DMGDH: variants seen among roughly 807,000 people sequenced by gnomAD.
The protein encoded by DMGDH is dimethylglycine dehydrogenase, also known as dimethylglycine dehydrogenase, mitochondrial.
DMGDH carries 76 observed loss-of-function variants against 95.2 expected under a neutral mutation model. The ratio of observed to expected loss-of-function variants is 0.80; its 90% CI spans 0.66 to 0.97. The LOEUF is 0.97. Among genes scored for constraint, DMGDH ranks in the 50% least tolerant of loss-of-function variants. DMGDH has a pLI of 0.00. For missense variants in DMGDH, 987 were observed against 1,055.0 expected, an observed-to-expected ratio of 0.94 and a Z score of 0.89; for synonymous variants, 345 against 377.6, an observed-to-expected ratio of 0.91 and a Z score of 1.00.
chr5:79,034,847 G>A (rs906774347), intron 7 of DMGDH, among the ~76,000 whole-genome samples: 1 of 151,906 alleles, frequency 6.6e-6, no homozygotes, highest in African/African-American at 2.4e-5. Context: ...CACGAGGTCA[G>A]GAGATCGAGA....
chr5:79,033,214 A>C lies in DMGDH; in HGVS notation c.1363+25T>G, dbSNP rs369471298. Reference sequence around the variant, plus strand: ...CAATTCAATTCCGTCAACACTTTGTAGACAACAGTACATTTGTACCTTACC... The same window carrying C: ...CAATTCAATTCCGTCAACACTTTGTCGACAACAGTACATTTGTACCTTACC... On this transcript the variant is annotated intron_variant, in intron 8 of 15. Coordinates refer to ENST00000255189, the MANE Select transcript of DMGDH (RefSeq NM_013391.3). 32 of 1,612,996 alleles carry C rather than the reference A, an allele frequency of 2.0e-5. No homozygotes were observed. In the African/African-American group the frequency reaches 4.1e-4, roughly 21 times the overall value.
At chr5:79,014,265 G>T (rs1753691434) in intron 14 of DMGDH, among the ~76,000 whole-genome samples, 2 of 152,148 alleles carry the variant, frequency 1.3e-5, no homozygotes, top group Non-Finnish European at 2.9e-5. Context: ...CCCATTACAT[G>T]TCTTTAATAT....
Position 79,028,456 on chromosome 5 carries a change from G to C in DMGDH, c.2009C>G (p.Thr670Ser), listed in dbSNP as rs1286233927. Reference sequence around the variant, plus strand: ...ACCAGTATAAGATATCCTAATAGCAGTGACAGGAATGTTGGAAACCTTTAA... The same window carrying C: ...ACCAGTATAAGATATCCTAATAGCACTGACAGGAATGTTGGAAACCTTTAA... ...KSLKVSNIPV[T>S]AIRISYTGEL... is the part of the protein sequence containing the mutation. The change falls in exon 12 of 16, where the codon ACT becomes AGT. Residue 670 changes from threonine to serine, a missense_variant. By Grantham distance (58) the Thr-to-Ser change is moderately conservative. Transcript: ENST00000255189. 1.2e-6 allele frequency: 2 copies of C among 1,613,688 alleles called. No individual in the cohort carries two copies. The highest frequency in any genetic ancestry group is 2.2e-5 in the South Asian group (2 of 91,054).
intron 1 of DMGDH, 129 bp downstream of exon 1, chr5:79,069,391 T>G: frequency 2.3e-6 from 1 of 436,456 alleles, no homozygotes; most frequent in Non-Finnish European, 3.8e-6. Flanking sequence ...TAAAAGATAA[T>G]TCGAGAAGAT....
At chr5:79,060,131 A>G (rs1361717990) in intron 2 of DMGDH, among the ~76,000 whole-genome samples, 1 of 152,232 alleles carries the variant, frequency 6.6e-6, no homozygotes, top group African/African-American at 2.4e-5. Flanking sequence ...TTATTTATAA[A>G]TATCAGTAAA....
chr5:79,010,237 G>T (rs1030851719), intron 14 of DMGDH, among the ~76,000 whole-genome samples: 7 of 152,110 alleles, frequency 4.6e-5, no homozygotes, highest in African/African-American at 1.7e-4. Context: ...GTAAATGAAA[G>T]AAAGTAAATC....
chr5:79,046,794 T>C (rs1754688357), intron 5 of DMGDH, among the ~76,000 whole-genome samples: 1 of 152,212 alleles, frequency 6.6e-6, no homozygotes, highest in Admixed American at 6.5e-5. Context: ...AATTTTTAAA[T>C]ATACAAAAAT....
intron 14 of DMGDH, among the ~76,000 whole-genome samples, chr5:79,010,134 C>T (rs1047994965): frequency 6.6e-6 from 1 of 151,964 alleles, no homozygotes; most frequent in South Asian, 2.1e-4. Context: ...TAATATCTAC[C>T]TATATGAAAA....
chr5:79,034,485 T>G (rs1172427094), intron 7 of DMGDH, among the ~76,000 whole-genome samples: 1 of 152,188 alleles, frequency 6.6e-6, no homozygotes, highest in Non-Finnish European at 1.5e-5. Flanking sequence ...CAGTCTTGTC[T>G]AATGAAGGCC....
chr5:79,068,935 T>C (rs1755460127), intron 1 of DMGDH, among the ~76,000 whole-genome samples: 1 of 152,236 alleles, frequency 6.6e-6, no homozygotes, highest in African/African-American at 2.4e-5. Flanking sequence ...TCTTTCAATC[T>C]TTCAGATGCA....
At chr5:79,032,204 T>C (rs183237811) in intron 9 of DMGDH, among the ~76,000 whole-genome samples, 2 of 152,258 alleles carry the variant, frequency 1.3e-5, no homozygotes, top group Non-Finnish European at 2.9e-5. Context: ...TGGAATGCTA[T>C]GCAAATGACC....
chr5:79,010,678 T>C (rs1001381005), intron 14 of DMGDH, among the ~76,000 whole-genome samples: 1 of 152,200 alleles, frequency 6.6e-6, no homozygotes, highest in Non-Finnish European at 1.5e-5. Flanking sequence ...CACATGTTAT[T>C]CTTTGTTTTA....
At chr5:79,051,246 G>A in intron 5 of DMGDH, 41 bp downstream of exon 5, 1 of 1,581,026 alleles carries the variant, frequency 6.3e-7, no homozygotes, top group Non-Finnish European at 8.7e-7. Context: ...TCTTTCTTTG[G>A]CACTTAAAAA....
intron 14 of DMGDH, among the ~76,000 whole-genome samples, chr5:79,006,610 C>T (rs1046267858): frequency 6.6e-5 from 10 of 152,138 alleles, no homozygotes; most frequent in African/African-American, 2.4e-4. Context: ...CAAGATTCTC[C>T]AAACAGTTCC....
intron 3 of DMGDH, among the ~76,000 whole-genome samples, chr5:79,054,968 G>A (rs1026359028): frequency 6.6e-6 from 1 of 152,202 alleles, no homozygotes; most frequent in African/African-American, 2.4e-5. Context: ...AGAACCAAGA[G>A]ATGGGACCTC....
At chr5:79,061,971 A>G (rs1755222138) in intron 2 of DMGDH, among the ~76,000 whole-genome samples, 1 of 152,228 alleles carries the variant, frequency 6.6e-6, no homozygotes. Context: ...ATCAGTATAT[A>G]AGTGAGCAAA....
chr5:79,040,641 TC>T (rs2112642512), intron 7 of DMGDH, among the ~76,000 whole-genome samples: 1 of 152,282 alleles, frequency 6.6e-6, no homozygotes, highest in South Asian at 2.1e-4. Context: ...GTTTTGTATT[TC>T]AATGGACACC....
chr5:79,035,924 G>A (rs546355941), intron 7 of DMGDH, among the ~76,000 whole-genome samples: 67 of 152,228 alleles, frequency 4.4e-4, no homozygotes, highest in Non-Finnish European at 8.2e-4. Context: ...TCCATATCAT[G>A]TTCTTGATTT....
At chr5:79,045,961 A>G (rs1217720504) in intron 5 of DMGDH, among the ~76,000 whole-genome samples, 1 of 152,188 alleles carries the variant, frequency 6.6e-6, no homozygotes, top group Non-Finnish European at 1.5e-5. Flanking sequence ...TGTTTGTTGC[A>G]ATGGCTAAGT....
Sources: gnomAD v4.1 joint callset for allele counts (sites outside exome capture counted in the v4.1 genomes callset) on GRCh38, gnomAD v4.1.1 for gene constraint, MANE v1.5 for transcripts, NCBI Gene and HGNC (gene_info 2026-07-23, HGNC 2026-07-21) for gene names.